EPAS1: variants seen among roughly 807,000 people sequenced by gnomAD.
The protein encoded by EPAS1 is endothelial PAS domain protein 1.
In EPAS1, 23 loss-of-function variants were observed where a neutral mutation model predicts 87.9. That is an observed-to-expected ratio of 0.26 (90% confidence interval 0.19 to 0.37). The LOEUF (loss-of-function observed/expected upper bound fraction) is 0.37, where lower values mean the gene tolerates loss of function less well. Among genes scored for constraint, EPAS1 ranks in the 10% least tolerant of loss-of-function variants. The probability of loss-of-function intolerance (pLI) is 1.00; values close to 1 mark genes in which losing one functional copy is unlikely to be tolerated. For synonymous variants in EPAS1, 508 were observed against 444.3 expected (o/e 1.14, Z -1.80); for missense variants, 1,138 against 1,120.7 (o/e 1.02, Z -0.22).
At chr2:46,351,742 C>T (rs780501681) in intron 2 of EPAS1, among the ~76,000 whole-genome samples, 1 of 152,106 alleles carries the variant, frequency 6.6e-6, no homozygotes, top group Non-Finnish European at 1.5e-5. Context: ...TGGAACTTCT[C>T]GGAGTAGGAA....
rs1297035843 is a variant in EPAS1, at chr2:46,384,962, CCTT to C, written c.*305_*307del. The C allele has an allele frequency of 9.7e-6, 4 of 413,938 alleles. No individual in the cohort carries two copies. The highest frequency in any genetic ancestry group is 6.6e-5 in the South Asian group (3 of 45,174). The allele number at this position is 413,938 out of a possible 1,614,324, so 25.6% of individuals were successfully genotyped here. On this transcript the variant is annotated 3_prime_UTR_variant, in exon 16 of 16. Transcript: ENST00000263734. Reference sequence around the variant, plus strand: ...ATATTATCCATAGGTTTCTCTCCCTCCTTCTCCTTCTCACACACAACTGTCCAT... The same window carrying C: ...ATATTATCCATAGGTTTCTCTCCCTCCTCCTTCTCACACACAACTGTCCAT...
chr2:46,378,890 G>T, intron 11 of EPAS1, 123 bp downstream of exon 11: 2 of 925,260 alleles, frequency 2.2e-6, no homozygotes, highest in South Asian at 2.7e-5. Context: ...TTTGGCCAAG[G>T]CCCAGGTCCC....
At position 46,369,945 on chromosome 2, in the gene EPAS1, G is replaced by C; in HGVS notation, c.886+12G>C. On this transcript the variant is annotated intron_variant, in intron 7 of 15. Coordinates refer to ENST00000263734, the MANE Select transcript of EPAS1 (RefSeq NM_001430.5). The stretch of plus-strand genomic sequence containing the variant: ...GAGTCACCAGAACTGTGAGTTCCAG[G>C]AGTGCCCCTTGTGGCTTCCTTGTGT... The C allele has an allele frequency of 6.3e-7, 1 of 1,598,828 alleles. No individual in the cohort carries two copies. Among genetic ancestry groups the C allele is most frequent in the South Asian group, 1.1e-5 (1 of 89,404 alleles).
At chr2:46,339,407 G>C (rs1683861710) in intron 1 of EPAS1, among the ~76,000 whole-genome samples, 1 of 152,228 alleles carries the variant, frequency 6.6e-6, no homozygotes, top group South Asian at 2.1e-4. Context: ...TTGTCAGCAG[G>C]CGCTCTGTTC....
intron 1 of EPAS1, among the ~76,000 whole-genome samples, chr2:46,307,230 G>A (rs1003874079): frequency 6.6e-6 from 1 of 152,202 alleles, no homozygotes; most frequent in African/African-American, 2.4e-5. Flanking sequence ...TTGGTGCCCA[G>A]GGTGAAGGGA....
At chr2:46,303,186 C>A (rs969150078) in intron 1 of EPAS1, among the ~76,000 whole-genome samples, 1 of 152,000 alleles carries the variant, frequency 6.6e-6, no homozygotes. Context: ...AGGTAATAAC[C>A]GCCCCCCTCC....
In EPAS1 at chr2:46,375,875, A is replaced by G. The variant is rs1287767625; in HGVS notation, c.1034+38A>G. On this transcript the variant is annotated intron_variant, in intron 8 of 15. Transcript: ENST00000263734. The surrounding 1 kb of genome is among the most constrained non-coding windows in gnomAD (Gnocchi z 4.1). The stretch of plus-strand genomic sequence containing the variant: ...GGGCTGGCGGGCCTTGGTGCAGGGT[A>G]TGTGGGGGTGCCCAAGCTTCCCAGA... 6.2e-7 allele frequency: 1 copy of G among 1,613,632 alleles called. No individual in the cohort carries two copies. The highest frequency in any genetic ancestry group is 8.5e-7 in the Non-Finnish European group (1 of 1,179,938).
chr2:46,378,023 C>T lies in EPAS1; in HGVS notation c.1379C>T (p.Pro460Leu). Reference protein sequence around the residue: ...EAGSLPAFTVPQAAAPGSTTP... With the variant: ...EAGSLPAFTVLQAAAPGSTTP... Reference sequence around the variant, plus strand: ...GGGAGCCTGCCTGCCTTCACCGTGCCCCAGGCAGCTGCCCCGGGCAGCACC... The same window carrying T: ...GGGAGCCTGCCTGCCTTCACCGTGCTCCAGGCAGCTGCCCCGGGCAGCACC... The change falls in exon 10 of 16, where the codon CCC (proline) becomes CTC (leucine). Residue 460 changes from proline (P) to leucine (L), a missense_variant. By Grantham distance (98) the Pro-to-Leu change is moderately conservative. Transcript: ENST00000263734. The T allele has an allele frequency of 6.2e-7, 1 of 1,603,716 alleles. No individual in the cohort carries two copies. Among genetic ancestry groups the T allele is most frequent in the Non-Finnish European group, 8.5e-7 (1 of 1,175,930 alleles).
rs1188745715 is a variant in EPAS1 at position 46,380,929 on chromosome 2, G to A, written c.2045+212G>A. ...TTTATCTGGGCTGCCACTGAGGGCA[G>A]GCAAAGAAGTGGCTTGTTGAGAGCC... On this transcript the variant is annotated intron_variant, in intron 12 of 15. Transcript: ENST00000263734. This position sits in a 1 kb window ranked among gnomAD's most constrained non-coding sequence, Gnocchi z 4.4. Among the ~76,000 whole-genome samples the A allele has an allele frequency of 6.6e-6, 1 of 152,192 alleles. No individual in the cohort carries two copies. The highest frequency in any genetic ancestry group is 1.5e-5 in the Non-Finnish European group (1 of 68,032).
intron 13 of EPAS1, 44 bp downstream of exon 13, chr2:46,381,766 A>C: frequency 6.2e-7 from 1 of 1,612,690 alleles, no homozygotes; most frequent in Non-Finnish European, 8.5e-7. Flanking sequence ...CATAGCCCTT[A>C]GGGAACCCAG....
At chr2:46,379,898 A>G in intron 11 of EPAS1, 1 of 437,288 alleles carries the variant, frequency 2.3e-6, no homozygotes, top group Non-Finnish European at 4.3e-6. Context: ...TGGAGTAGGC[A>G]GGGCTGACTC....
intron 1 of EPAS1, among the ~76,000 whole-genome samples, chr2:46,309,577 G>A (rs777466132): frequency 6.6e-6 from 1 of 152,214 alleles, no homozygotes; most frequent in African/African-American, 2.4e-5. Flanking sequence ...GGAGGAGCAT[G>A]AAGACCTAGG....
chr2:46,339,879 C>T (rs930794577), intron 1 of EPAS1, among the ~76,000 whole-genome samples: 7 of 152,174 alleles, frequency 4.6e-5, no homozygotes, highest in African/African-American at 1.4e-4. Context: ...GCCTCCTTTG[C>T]GAGTGCACTA....
At chr2:46,381,788 G>C in intron 13 of EPAS1, 66 bp downstream of exon 13, 7 of 1,607,082 alleles carry the variant, frequency 4.4e-6, no homozygotes, top group Non-Finnish European at 5.9e-6. Flanking sequence ...GCTGCTGAGA[G>C]GGGTGGGGAT....
At chr2:46,334,758 C>G (rs140644951) in intron 1 of EPAS1, among the ~76,000 whole-genome samples, 127 of 152,286 alleles carry the variant, frequency 8.3e-4, no homozygotes, top group African/African-American at 2.9e-3. Flanking sequence ...GTTTTATTTC[C>G]CAAATTGCTC....
chr2:46,354,156 G>T (rs1684222467), intron 2 of EPAS1, among the ~76,000 whole-genome samples: 1 of 152,216 alleles, frequency 6.6e-6, no homozygotes. Flanking sequence ...AGATAAAAGA[G>T]AAACCCAGTT....
At chr2:46,305,234 G>C (rs1320288432) in intron 1 of EPAS1, among the ~76,000 whole-genome samples, 1 of 152,192 alleles carries the variant, frequency 6.6e-6, no homozygotes, top group South Asian at 2.1e-4. Context: ...GAAGAGTGGC[G>C]AGACCCTTTG....
Position 46,380,838 on chromosome 2 carries a change from C to T in EPAS1, c.2045+121C>T. The T allele has an allele frequency of 6.5e-7, 1 of 1,532,420 alleles. No individual in the cohort carries two copies. 94.9% of individuals were successfully genotyped at this position (1,532,420 alleles called of 1,614,324 possible). The stretch of plus-strand genomic sequence containing the variant: ...CCCAGCCATCTGATACCCCATTTAG[C>T]CCTTCTCTGAGCTCAGACTTTGGGG... On this transcript the variant is annotated intron_variant, in intron 12 of 15. Transcript: ENST00000263734. This position sits in a 1 kb window ranked among gnomAD's most constrained non-coding sequence, Gnocchi z 4.4.
chr2:46,306,505 A>G (rs1051566726), intron 1 of EPAS1, among the ~76,000 whole-genome samples: 5 of 152,176 alleles, frequency 3.3e-5, no homozygotes, highest in African/African-American at 7.2e-5. Flanking sequence ...TCAAAATTCA[A>G]TGCCAGCCAT....
Sources: gnomAD v4.1 joint callset for allele counts (sites outside exome capture counted in the v4.1 genomes callset) on GRCh38, gnomAD v4.1.1 for gene constraint, Gnocchi (gnomAD v3.1) non-coding constraint, MANE v1.5 for transcripts, NCBI Gene and HGNC (gene_info 2026-07-23, HGNC 2026-07-21) for gene names.